Variants in CADM2 observed in about 807,000 individuals in gnomAD.
The protein encoded by CADM2 is immunoglobulin superfamily member 4D.
A neutral mutation model predicts 49.8 loss-of-function variants in CADM2; 12 were observed. That is an observed-to-expected ratio of 0.24 (90% confidence interval 0.15 to 0.39). The LOEUF (loss-of-function observed/expected upper bound fraction) is 0.39. CADM2 is among the 10% of genes least tolerant of loss of function. The pLI is 1.00. For missense variants in CADM2, 378 were observed against 492.3 expected (o/e 0.77, Z 2.20); for synonymous variants, 214 against 175.4 (o/e 1.22, Z -1.74).
At chr3:85,342,587 T>G (rs1377368807) in intron 1 of CADM2, among the ~76,000 whole-genome samples, 3 of 152,120 alleles carry the variant, frequency 2.0e-5, no homozygotes, top group Non-Finnish European at 4.4e-5. Flanking sequence ...GTACTAACTG[T>G]TTCTCTGCAT....
chr3:85,030,961 G>A (rs1166760560), intron 1 of CADM2, among the ~76,000 whole-genome samples: 2 of 152,126 alleles, frequency 1.3e-5, no homozygotes, highest in African/African-American at 4.8e-5. Context: ...AGGTGGGGAC[G>A]ATGTAAGGAA....
intron 7 of CADM2, among the ~76,000 whole-genome samples, chr3:85,961,077 A>G (rs1182091261): frequency 2.7e-5 from 4 of 147,504 alleles, no homozygotes; most frequent in African/African-American, 4.9e-5. Flanking sequence ...ATATATAAAT[A>G]TAAATATTTA....
intron 8 of CADM2, among the ~76,000 whole-genome samples, chr3:86,059,529 C>T (rs1284322544): frequency 6.6e-6 from 1 of 152,164 alleles, no homozygotes; most frequent in African/African-American, 2.4e-5. Flanking sequence ...TGTATTATCA[C>T]ATCTCCTGAA....
At chr3:85,691,871 A>G (rs1316516189) in intron 1 of CADM2, among the ~76,000 whole-genome samples, 2 of 152,192 alleles carry the variant, frequency 1.3e-5, no homozygotes, top group Non-Finnish European at 2.9e-5. Context: ...AAACTATTGC[A>G]AGGACAAAAA....
intron 2 of CADM2, among the ~76,000 whole-genome samples, chr3:85,765,252 T>C (rs1330755280): frequency 3.9e-5 from 6 of 152,138 alleles, no homozygotes; most frequent in African/African-American, 1.4e-4. Context: ...TTTGCTTCTT[T>C]TGAAAATTAT....
Position 85,359,666 on chromosome 3 carries a change from A to ATATATATATATATTTTTTTTTT in CADM2, c.62-366855_62-366854insATATATATATATTTTTTTTTTT. On this transcript the variant is annotated intron_variant, in intron 1 of 9. Transcript: ENST00000383699. ...TATATATATATATATATATATATAT[A>ATATATATATATATTTTTTTTTT]TTTTTTTTTTTGGTGGAGGGGAGAA... is the stretch of plus-strand genomic sequence containing the variant. 1.5e-3 allele frequency among the ~76,000 whole-genome samples: 39 copies of ATATATATATATATTTTTTTTTT among 26,534 alleles called. 2 individuals are homozygous for ATATATATATATATTTTTTTTTT. The highest frequency in any genetic ancestry group is 3.7e-3 in the African/African-American group (35 of 9,366). 17.4% of individuals were successfully genotyped at this position (26,534 alleles called of 152,430 possible). A position where few individuals can be genotyped will look rare whatever the true frequency, so the allele number is the denominator to read the frequency against.
At chr3:85,903,006 TTA>T (rs1370220376) in intron 5 of CADM2, among the ~76,000 whole-genome samples, 1 of 152,028 alleles carries the variant, frequency 6.6e-6, no homozygotes, top group Non-Finnish European at 1.5e-5. Flanking sequence ...ATAAAACATA[TTA>T]TATGTTTTTA....
chr3:85,936,545 A>G (rs1485545949), intron 7 of CADM2, among the ~76,000 whole-genome samples: 1 of 151,600 alleles, frequency 6.6e-6, no homozygotes, highest in Non-Finnish European at 1.5e-5. Flanking sequence ...ATACAGGAAC[A>G]CTCTAGGCCT....
chr3:85,443,230 A>C (rs879624912), intron 1 of CADM2, among the ~76,000 whole-genome samples: 6 of 152,150 alleles, frequency 3.9e-5, no homozygotes, highest in Non-Finnish European at 7.4e-5. Flanking sequence ...ATTGTTAACC[A>C]AATTTAAATT....
intron 1 of CADM2, among the ~76,000 whole-genome samples, chr3:85,283,991 T>C (rs544077028): frequency 6.6e-6 from 1 of 152,258 alleles, no homozygotes; most frequent in African/African-American, 2.4e-5. Flanking sequence ...TCTATGAACA[T>C]GAAGAAGTGG....
intron 1 of CADM2, among the ~76,000 whole-genome samples, chr3:85,530,896 AC>A (rs2061292531): frequency 6.7e-6 from 1 of 150,356 alleles, no homozygotes; most frequent in African/African-American, 2.5e-5. Context: ...ACACACACAC[AC>A]ACACACACAC....
chr3:85,477,093 A>G (rs2039005939), intron 1 of CADM2, among the ~76,000 whole-genome samples: 1 of 151,858 alleles, frequency 6.6e-6, no homozygotes, highest in South Asian at 2.1e-4. Flanking sequence ...ATTAGTTAAG[A>G]CTTTTGCCTG....
chr3:85,565,865 C>A (rs1294860894), intron 1 of CADM2, among the ~76,000 whole-genome samples: 4 of 140,538 alleles, frequency 2.8e-5, no homozygotes, highest in African/African-American at 9.8e-5. Flanking sequence ...ACCCTTCCAT[C>A]GTTTTCTTTT....
At chr3:85,524,988 A>T (rs2061126683) in intron 1 of CADM2, among the ~76,000 whole-genome samples, 1 of 152,064 alleles carries the variant, frequency 6.6e-6, no homozygotes. Flanking sequence ...GTGGAACATC[A>T]CACATCAGGG....
intron 1 of CADM2, among the ~76,000 whole-genome samples, chr3:85,642,349 T>C (rs572174405): frequency 1.3e-5 from 2 of 152,194 alleles, no homozygotes; most frequent in East Asian, 3.9e-4. Context: ...TAAAAAGTAT[T>C]ATATAGAGAA....
At chr3:85,644,949 T>C (rs2107563658) in intron 1 of CADM2, among the ~76,000 whole-genome samples, 1 of 152,216 alleles carries the variant, frequency 6.6e-6, no homozygotes, top group South Asian at 2.1e-4. Flanking sequence ...TCCCTATCAA[T>C]AGTGGCACCA....
At chr3:86,042,553 C>A (rs1033640334) in intron 8 of CADM2, among the ~76,000 whole-genome samples, 22 of 152,200 alleles carry the variant, frequency 1.4e-4, no homozygotes, top group South Asian at 8.3e-4. Flanking sequence ...TCTGAATAGA[C>A]CAATAACAGG....
intron 1 of CADM2, among the ~76,000 whole-genome samples, chr3:85,532,836 G>T (rs2061344772): frequency 6.6e-6 from 1 of 152,182 alleles, no homozygotes; most frequent in African/African-American, 2.4e-5. Flanking sequence ...CATAAAAAAT[G>T]AGATAATGTC....
chr3:85,357,236 G>A (rs2031943407), intron 1 of CADM2, among the ~76,000 whole-genome samples: 1 of 152,036 alleles, frequency 6.6e-6, no homozygotes, highest in African/African-American at 2.4e-5. Flanking sequence ...TGTAGAAATT[G>A]TCAGCAAGCT....
Sources: allele counts gnomAD v4.1 joint callset (sites outside exome capture counted in the v4.1 genomes callset), GRCh38; gene constraint gnomAD v4.1.1; transcripts MANE v1.5; gene names NCBI Gene and HGNC (gene_info 2026-07-23, HGNC 2026-07-21).